Variants in NFE2L2 observed in about 807,000 individuals in gnomAD.
The protein encoded by NFE2L2 is nuclear factor erythroid 2-related factor 2.
In NFE2L2, 20 loss-of-function variants were observed where a neutral mutation model predicts 49.6. The observed-to-expected ratio is 0.40, with a 90% CI of 0.28 to 0.59. NFE2L2 has a LOEUF of 0.59. Among genes scored for constraint, NFE2L2 ranks in the 20% least tolerant of loss-of-function variants. NFE2L2 has a pLI of 0.40. For synonymous variants in NFE2L2, 244 were observed against 256.5 expected, an observed-to-expected ratio of 0.95 and a Z score of 0.47; for missense variants, 578 against 714.2, an observed-to-expected ratio of 0.81 and a Z score of 2.17.
Position 177,230,903 on chromosome 2 carries a change from A to G in NFE2L2, c.1700T>C (p.Met567Thr). 1.9e-6 allele frequency: 3 copies of G among 1,614,158 alleles called. No individual in the cohort carries two copies. The highest frequency in any genetic ancestry group is 2.5e-6 in the Non-Finnish European group (3 of 1,180,026). ...AGGTTTTCCATCTTCATCACGTAGC[A>G]TGCTGAAAACTTCGAGATATAAGGT... ...LSTLYLEVFS[M>T]LRDEDGKPYS... is the part of the protein sequence containing the mutation. Residue 567 changes from methionine (M) to threonine (T), a missense_variant, in exon 5 of 5, where the codon ATG (methionine) becomes ACG (threonine). By Grantham distance (81) the Met-to-Thr change is moderately conservative. Around this residue, in one of 3 missense-constraint regions of NFE2L2, gnomAD observed 117 missense variants for 175.8 expected, o/e 0.67. Coordinates refer to ENST00000397062, the MANE Select transcript of NFE2L2 (RefSeq NM_006164.5).
intron 2 of NFE2L2, chr2:177,233,772 T>C: frequency 1.7e-6 from 1 of 596,906 alleles, no homozygotes. Flanking sequence ...ACAAAACTCT[T>C]TGGTGTAACT....
chr2:177,260,160 T>C (rs1690678616), intron 1 of NFE2L2, among the ~76,000 whole-genome samples: 1 of 152,166 alleles, frequency 6.6e-6, no homozygotes. Context: ...AAGAATAAAC[T>C]CTATTCTCTA....
chr2:177,251,260 C>T (rs1690327766), intron 1 of NFE2L2, among the ~76,000 whole-genome samples: 1 of 152,160 alleles, frequency 6.6e-6, no homozygotes, highest in Non-Finnish European at 1.5e-5. Context: ...TAAAGGGTTA[C>T]GAAGATGGCA....
intron 1 of NFE2L2, 41 bp downstream of exon 1, chr2:177,264,491 G>A: frequency 6.6e-7 from 1 of 1,514,416 alleles, no homozygotes; most frequent in South Asian, 1.2e-5. Flanking sequence ...CCCCGCCCCC[G>A]TCCCGGCACC....
intron 1 of NFE2L2, chr2:177,263,496 A>C: frequency 8.1e-6 from 8 of 985,550 alleles, no homozygotes; most frequent in Non-Finnish European, 8.4e-6. Flanking sequence ...TCTGGGGAAA[A>C]TAGCAATTGC....
chr2:177,247,203 C>A (rs774626082), intron 1 of NFE2L2, among the ~76,000 whole-genome samples: 1 of 152,190 alleles, frequency 6.6e-6, no homozygotes, highest in South Asian at 2.1e-4. Flanking sequence ...TTTCCCCATG[C>A]CTTTCCCAAC....
At chr2:177,242,217 G>A (rs1196002373) in intron 1 of NFE2L2, among the ~76,000 whole-genome samples, 1 of 152,114 alleles carries the variant, frequency 6.6e-6, no homozygotes, top group Non-Finnish European at 1.5e-5. Context: ...GAGACAAAAG[G>A]GGCCTTACAG....
chr2:177,240,756 G>C (rs1002131944), intron 1 of NFE2L2, among the ~76,000 whole-genome samples: 4 of 151,800 alleles, frequency 2.6e-5, no homozygotes, highest in African/African-American at 9.7e-5. Context: ...GAAAGGACTT[G>C]AACACAGAAT....
chr2:177,232,197 C>T, intron 4 of NFE2L2, 189 bp from the exon 5 acceptor site: 1 of 892,318 alleles, frequency 1.1e-6, no homozygotes, highest in South Asian at 2.0e-5. Context: ...TTTCAGAGTT[C>T]CCAGATCAGA....
chr2:177,239,690 T>C (rs1400123217), intron 1 of NFE2L2, among the ~76,000 whole-genome samples: 1 of 152,060 alleles, frequency 6.6e-6, no homozygotes, highest in Admixed American at 6.5e-5. Flanking sequence ...AAAAAGTTTA[T>C]GTAATGTTTT....
chr2:177,243,554 T>C (rs1175495295), intron 1 of NFE2L2, among the ~76,000 whole-genome samples: 2 of 152,208 alleles, frequency 1.3e-5, no homozygotes, highest in African/African-American at 4.8e-5. Context: ...AGAGTCTTGC[T>C]CTGTTGCCCA....
At chr2:177,247,667 A>G (rs182424203) in intron 1 of NFE2L2, among the ~76,000 whole-genome samples, 1 of 151,028 alleles carries the variant, frequency 6.6e-6, no homozygotes, top group African/African-American at 2.4e-5. Flanking sequence ...ACAAGAGCAA[A>G]ACTCTGCCCC....
intron 1 of NFE2L2, among the ~76,000 whole-genome samples, chr2:177,259,927 GT>G (rs1690669259): frequency 6.6e-6 from 1 of 151,088 alleles, no homozygotes; most frequent in Non-Finnish European, 1.5e-5. Flanking sequence ...GCAAGACTGC[GT>G]CTCAAAAAAA....
chr2:177,254,342 T>C (rs1167711449), intron 1 of NFE2L2, among the ~76,000 whole-genome samples: 2 of 152,122 alleles, frequency 1.3e-5, no homozygotes, highest in Non-Finnish European at 1.5e-5. Flanking sequence ...CTGCTTCAGG[T>C]TAGGATAAAA....
intron 1 of NFE2L2, chr2:177,263,781 C>T (rs1690833489): frequency 5.1e-6 from 5 of 985,514 alleles, no homozygotes; most frequent in Non-Finnish European, 6.0e-6. Context: ...GAGCCCGAAC[C>T]CCTCCCCGGC....
At chr2:177,256,519 AAG>A (rs1405176769) in intron 1 of NFE2L2, among the ~76,000 whole-genome samples, 70 of 151,340 alleles carry the variant, frequency 4.6e-4, no homozygotes, top group Non-Finnish European at 1.6e-4. Context: ...AAAAAAAAAA[AAG>A]GAAAGGACAT....
Position 177,246,607 on chromosome 2 carries a change from TC to T in NFE2L2, c.46-12337del, listed in dbSNP as rs377710057. On this transcript the variant is annotated intron_variant, in intron 1 of 4. Coordinates refer to ENST00000397062, the MANE Select transcript of NFE2L2 (RefSeq NM_006164.5). ...GTAAGTTGTCCCTTTTTCTTTTTTT[TC>T]TTTTTTTCTAAGATAGGGTCTTGTT... Among the ~76,000 whole-genome samples, 170 of 146,992 alleles carry T rather than the reference TC, an allele frequency of 1.2e-3. 10 individuals are homozygous for T. The highest frequency in any genetic ancestry group is 7.0e-3 in the Middle Eastern group (2 of 284).
At chr2:177,251,665 G>A (rs908940501) in intron 1 of NFE2L2, among the ~76,000 whole-genome samples, 2 of 152,198 alleles carry the variant, frequency 1.3e-5, no homozygotes, top group African/African-American at 4.8e-5. Context: ...GAGAATGAGA[G>A]GTTTATAGCA....
intron 1 of NFE2L2, among the ~76,000 whole-genome samples, chr2:177,253,903 A>G (rs2105485839): frequency 6.6e-6 from 1 of 152,334 alleles, no homozygotes; most frequent in South Asian, 2.1e-4. Flanking sequence ...TATAACAATC[A>G]ATCAACTGCT....
Sources: allele counts gnomAD v4.1 joint callset (sites outside exome capture counted in the v4.1 genomes callset), GRCh38; gene constraint gnomAD v4.1.1; regional missense constraint gnomAD v4.1.1; transcripts MANE v1.5; gene names NCBI Gene and HGNC (gene_info 2026-07-23, HGNC 2026-07-21).